Variants in ARB2A observed in about 807,000 individuals in gnomAD.
ARB2A encodes cotranscriptional regulator ARB2A.
the ARB2A span, among the ~76,000 whole-genome samples, chr5:94,104,616 A>T: frequency 6.6e-6 from 1 of 152,068 alleles, no homozygotes; most frequent in Non-Finnish European, 1.5e-5. Flanking sequence ...AACTATTCCA[A>T]AAAATGAGAA....
chr5:93,679,315 C>T, the ARB2A span, among the ~76,000 whole-genome samples: 14 of 152,042 alleles, frequency 9.2e-5, no homozygotes, highest in Admixed American at 5.9e-4. Flanking sequence ...TGAAGTCTAT[C>T]CTTTCATTTA....
chr5:94,061,797 G>A, the ARB2A span, among the ~76,000 whole-genome samples: 1 of 152,110 alleles, frequency 6.6e-6, no homozygotes, highest in Non-Finnish European at 1.5e-5. Context: ...AATCAAGGAA[G>A]ATTTAAATAG....
At chr5:93,765,430 G>A in the ARB2A span, among the ~76,000 whole-genome samples, 1 of 152,194 alleles carries the variant, frequency 6.6e-6, no homozygotes, top group South Asian at 2.1e-4. Context: ...AATCATGAGT[G>A]AACTCCCATT....
chr5:93,969,022 T>C, the ARB2A span, among the ~76,000 whole-genome samples: 103 of 149,070 alleles, frequency 6.9e-4, 2 homozygotes, highest in African/African-American at 1.0e-3. Context: ...TTTTTTCTTT[T>C]TTTTTTTTTT....
chr5:93,809,947 T>G, the ARB2A span, among the ~76,000 whole-genome samples: 4 of 152,218 alleles, frequency 2.6e-5, no homozygotes, highest in African/African-American at 9.6e-5. Context: ...TAATATTTGA[T>G]ATGTACTGAC....
the ARB2A span, among the ~76,000 whole-genome samples, chr5:94,099,268 G>A: frequency 6.6e-6 from 1 of 152,016 alleles, no homozygotes; most frequent in African/African-American, 2.4e-5. Context: ...ACATCAAAAA[G>A]CTAATCCACC....
chr5:94,066,916 A>G, the ARB2A span, among the ~76,000 whole-genome samples: 5,172 of 152,312 alleles, frequency 0.034, 120 homozygotes, highest in Non-Finnish European at 0.046. Flanking sequence ...AATATTCCTG[A>G]CAAACATAGG....
the ARB2A span, among the ~76,000 whole-genome samples, chr5:93,857,182 G>C: frequency 1.6e-4 from 25 of 152,042 alleles, no homozygotes; most frequent in East Asian, 4.6e-3. Context: ...TGAGGTGTCA[G>C]TCTGCCCCTA....
chr5:94,029,327 T>C, the ARB2A span, among the ~76,000 whole-genome samples: 6,180 of 152,280 alleles, frequency 0.041, 181 homozygotes, highest in East Asian at 0.14. Context: ...ATCATTTTCA[T>C]GTGTAACAGT....
chr5:93,923,800 C>A, the ARB2A span, among the ~76,000 whole-genome samples: 3,801 of 152,196 alleles, frequency 0.025, 157 homozygotes, highest in African/African-American at 0.087. Context: ...GAGAGTGAGA[C>A]CTTGTCTCAA....
chr5:93,875,013 C>G, the ARB2A span, among the ~76,000 whole-genome samples: 2 of 152,122 alleles, frequency 1.3e-5, no homozygotes, highest in African/African-American at 4.8e-5. Flanking sequence ...TGAAGTCTTG[C>G]TATATCAGGT....
At chr5:93,792,286 C>T in the ARB2A span, among the ~76,000 whole-genome samples, 1 of 151,874 alleles carries the variant, frequency 6.6e-6, no homozygotes, top group South Asian at 2.1e-4. Context: ...GAAGTAGATA[C>T]AGTATAAAAG....
the ARB2A span, among the ~76,000 whole-genome samples, chr5:93,853,807 C>T: frequency 1.3e-5 from 2 of 152,116 alleles, no homozygotes; most frequent in Admixed American, 6.6e-5. Context: ...AGGGATGAAG[C>T]CCACTTGATC....
At chr5:93,888,352 G>T in the ARB2A span, among the ~76,000 whole-genome samples, 1 of 151,700 alleles carries the variant, frequency 6.6e-6, no homozygotes, top group Non-Finnish European at 1.5e-5. Flanking sequence ...AAACTAAAAA[G>T]AAGTAACAAG....
chr5:93,789,021 A>G, the ARB2A span, among the ~76,000 whole-genome samples: 8 of 152,204 alleles, frequency 5.3e-5, no homozygotes, highest in Non-Finnish European at 1.2e-4. Context: ...GGGAATTCCT[A>G]AAAGAGCCAG....
At chr5:93,768,479 A>ATT in the ARB2A span, among the ~76,000 whole-genome samples, 1 of 150,142 alleles carries the variant, frequency 6.7e-6, no homozygotes. Context: ...ATATATATAT[A>ATT]TGTATATAAA....
At chr5:93,902,045 A>G in the ARB2A span, among the ~76,000 whole-genome samples, 1 of 152,094 alleles carries the variant, frequency 6.6e-6, no homozygotes. Flanking sequence ...AAAAATGGCA[A>G]TCTGCAGAAC....
chr5:93,632,014 G>C, the ARB2A span, among the ~76,000 whole-genome samples: 1 of 152,166 alleles, frequency 6.6e-6, no homozygotes, highest in Non-Finnish European at 1.5e-5. Flanking sequence ...CAGAATTCCT[G>C]TGATTGACTA....
the ARB2A span, among the ~76,000 whole-genome samples, chr5:93,924,184 T>C: frequency 6.6e-5 from 10 of 152,156 alleles, no homozygotes; most frequent in Admixed American, 3.9e-4. Flanking sequence ...CATGCTTTCA[T>C]AGATCATTTT....
Sources: allele counts gnomAD v4.1 joint callset (sites outside exome capture counted in the v4.1 genomes callset), GRCh38; gene constraint gnomAD v4.1.1; transcripts MANE v1.5; gene names NCBI Gene and HGNC (gene_info 2026-07-23, HGNC 2026-07-21).